PREX1: variants seen among roughly 807,000 people sequenced by gnomAD.
PREX1 encodes the protein phosphatidylinositol 3,4,5-trisphosphate-dependent Rac exchanger 1 protein.
A neutral mutation model predicts 198.3 loss-of-function variants in PREX1; 41 were observed. That is an observed-to-expected ratio of 0.21 (90% CI 0.16 to 0.27). The LOEUF (loss-of-function observed/expected upper bound fraction) is 0.27, where lower values mean the gene tolerates loss of function less well. PREX1 is among the 10% of genes least tolerant of loss of function. The probability of loss-of-function intolerance (pLI) is 1.00; values close to 1 mark genes in which losing one functional copy is unlikely to be tolerated. For synonymous variants in PREX1, 843 were observed against 887.2 expected (o/e 0.95, Z 0.89); for missense variants, 1,620 against 2,200.7 (o/e 0.74, Z 5.28).
intron 22 of PREX1, 122 bp downstream of exon 22, chr20:48,651,274 C>T: frequency 4.2e-6 from 6 of 1,412,066 alleles, no homozygotes; most frequent in Non-Finnish European, 5.6e-6. Flanking sequence ...TTCAGGACTC[C>T]AGGCTAAGCC....
chr20:48,813,306 G>A (rs550144329), intron 1 of PREX1, among the ~76,000 whole-genome samples: 1 of 152,360 alleles, frequency 6.6e-6, no homozygotes, highest in East Asian at 1.9e-4. Flanking sequence ...TCTGGGACAA[G>A]CATGAGCACA....
intron 1 of PREX1, among the ~76,000 whole-genome samples, chr20:48,824,593 T>C (rs1349101766): frequency 1.3e-5 from 2 of 152,208 alleles, no homozygotes; most frequent in African/African-American, 4.8e-5. Flanking sequence ...TTCTAAGTGC[T>C]TTACATCAAT....
At chr20:48,754,371 C>T (rs888433273) in intron 1 of PREX1, among the ~76,000 whole-genome samples, 18 of 152,100 alleles carry the variant, frequency 1.2e-4, no homozygotes, top group Admixed American at 9.2e-4. Flanking sequence ...GTCTCCATCA[C>T]GCGCCATCAG....
chr20:48,639,920 C>T lies in PREX1; in HGVS notation c.3776-26G>A, dbSNP rs969268627. The T allele has an allele frequency of 6.2e-6, 10 of 1,611,890 alleles. No individual in the cohort carries two copies. The Admixed American group carries it at 1.2e-4, about 19-fold the overall frequency. On this transcript the variant is annotated intron_variant, in intron 29 of 39. Transcript: ENST00000371941. ...CTGGGGCAGGAAAGTGGCATGAGGG[C>T]CAGGGAAGGGACGGAGGTAGTGTTG...
chr20:48,671,258 GA>G (rs1352306714), intron 14 of PREX1, among the ~76,000 whole-genome samples: 1 of 152,128 alleles, frequency 6.6e-6, no homozygotes, highest in Admixed American at 6.5e-5. Flanking sequence ...CTAATACACA[GA>G]AAGAAAAAAT....
chr20:48,828,548 C>T (rs2090523968), upstream of PREX1, among the ~76,000 whole-genome samples: 1 of 150,142 alleles, frequency 6.7e-6, no homozygotes, highest in Non-Finnish European at 1.5e-5. Flanking sequence ...GACGGCCCCT[C>T]TCTGGGCAGT....
At chr20:48,641,077 C>T (rs1237789197) in intron 29 of PREX1, among the ~76,000 whole-genome samples, 2 of 149,764 alleles carry the variant, frequency 1.3e-5, no homozygotes, top group Admixed American at 6.6e-5. Context: ...GGTGGATGCA[C>T]GGATAGTAGG....
At chr20:48,658,958 A>C (rs56012801) in intron 16 of PREX1, among the ~76,000 whole-genome samples, 1 of 151,780 alleles carries the variant, frequency 6.6e-6, no homozygotes, top group Non-Finnish European at 1.5e-5. Context: ...GTCAGGCGCA[A>C]TGGCTCACGC....
rs374015746 is a variant in PREX1 at position 48,650,108 on chromosome 20, G to A, written c.2916C>T (p.Cys972=). The change falls in exon 24 of 40, where the codon TGC becomes TGT. Residue 972 remains cysteine (C), a synonymous_variant. Coordinates refer to ENST00000371941, the MANE Select transcript of PREX1 (RefSeq NM_020820.4). ...LCGLDFCPTN[C]HINLMEVSYP... ...AGGACACTTCCATGAGGTTGATGTG[G>A]CAATTGGTGGGGCAGAAGTCCAGGC... is the stretch of plus-strand genomic sequence containing the variant. 2.7e-5 allele frequency: 43 copies of A among 1,613,938 alleles called. No homozygotes were observed. The highest frequency in any genetic ancestry group is 3.3e-5 in the Non-Finnish European group (39 of 1,179,894).
chr20:48,750,643 C>T (rs562602672), intron 1 of PREX1, among the ~76,000 whole-genome samples: 2 of 152,304 alleles, frequency 1.3e-5, no homozygotes, highest in South Asian at 2.1e-4. Flanking sequence ...CTCATCCATC[C>T]GGCCTTAGTT....
At chr20:48,796,329 A>T (rs979200805) in intron 1 of PREX1, among the ~76,000 whole-genome samples, 3 of 151,824 alleles carry the variant, frequency 2.0e-5, no homozygotes, top group Admixed American at 1.3e-4. Context: ...AAGTACCTCC[A>T]TTCAACAGAA....
At chr20:48,877,840 G>A in the PREX1 span, among the ~76,000 whole-genome samples, 1 of 152,132 alleles carries the variant, frequency 6.6e-6, no homozygotes, top group Non-Finnish European at 1.5e-5. Flanking sequence ...CAGGCGTGGT[G>A]GCTCACGCCT....
chr20:48,690,422 C>A (rs1385189527), intron 9 of PREX1, among the ~76,000 whole-genome samples: 2 of 152,108 alleles, frequency 1.3e-5, no homozygotes, highest in African/African-American at 4.8e-5. Context: ...CTCCTTTTCC[C>A]AGCCTGGTGG....
At chr20:48,804,888 G>C (rs914923723) in intron 1 of PREX1, among the ~76,000 whole-genome samples, 2 of 152,234 alleles carry the variant, frequency 1.3e-5, no homozygotes, top group South Asian at 2.1e-4. Flanking sequence ...GGGGCCGCAA[G>C]AGGAGTGGCG....
At chr20:48,710,538 G>A (rs1422686003) in intron 5 of PREX1, among the ~76,000 whole-genome samples, 1 of 152,194 alleles carries the variant, frequency 6.6e-6, no homozygotes, top group East Asian at 1.9e-4. Context: ...GGCACAGAGA[G>A]GTCAGACCGT....
At chr20:48,837,665 T>C in the PREX1 span, among the ~76,000 whole-genome samples, 1 of 152,218 alleles carries the variant, frequency 6.6e-6, no homozygotes, top group East Asian at 1.9e-4. Context: ...TAGGGCCTAC[T>C]TGAGGGTGAA....
chr20:48,627,558 C>T lies in PREX1; in HGVS notation c.4927G>A (p.Gly1643Ser). 6.2e-7 allele frequency: 1 copy of T among 1,613,946 alleles called. No homozygotes were observed. Among genetic ancestry groups the T allele is most frequent in the Non-Finnish European group, 8.5e-7 (1 of 1,179,962 alleles). Residue 1643 changes from glycine to serine, a missense_variant, in exon 39 of 40, where the codon GGT becomes AGT. Physicochemically the swap from Gly to Ser is moderately conservative, Grantham distance 56. Transcript: ENST00000371941. ...NLRVKDQMPQGAPRLYRLCQP... is the reference protein window; with the variant it reads ...NLRVKDQMPQSAPRLYRLCQP... ...GAGGCAGCCACTCACCGCGGAGCAC[C>T]CTGGGGCATCTGGTCCTTGACTCGC...
chr20:48,823,224 G>C (rs1485030307), intron 1 of PREX1, among the ~76,000 whole-genome samples: 1 of 152,258 alleles, frequency 6.6e-6, no homozygotes, highest in African/African-American at 2.4e-5. Flanking sequence ...CCTTCGAGGA[G>C]CTGCTGACCA....
At chr20:48,874,760 C>G in the PREX1 span, among the ~76,000 whole-genome samples, 1 of 151,856 alleles carries the variant, frequency 6.6e-6, no homozygotes, top group South Asian at 2.1e-4. Flanking sequence ...GGCTATAGTC[C>G]CAGCTACGGG....
Sources: allele counts gnomAD v4.1 joint callset (sites outside exome capture counted in the v4.1 genomes callset), GRCh38; gene constraint gnomAD v4.1.1; transcripts MANE v1.5; gene names NCBI Gene and HGNC (gene_info 2026-07-23, HGNC 2026-07-21).